The following BAZ2B variants were observed in gnomAD, a reference collection of about 807,000 sequenced individuals.
BAZ2B encodes the protein bromodomain adjacent to zinc finger domain protein 2B.
Under a neutral mutation model 246.0 loss-of-function variants are expected in BAZ2B, and 91 were observed. The observed-to-expected ratio is 0.37, with a 90% CI of 0.31 to 0.44. BAZ2B has a LOEUF of 0.44. Among genes scored for constraint, BAZ2B ranks in the 20% least tolerant of loss-of-function variants. The pLI is 1.00. For missense variants in BAZ2B, 2,332 were observed against 2,533.7 expected (o/e 0.92, Z 1.71); for synonymous variants, 855 against 860.0 (o/e 0.99, Z 0.10).
chr2:159,592,305 A>C (rs1267595315), intron 1 of BAZ2B, among the ~76,000 whole-genome samples: 1 of 152,036 alleles, frequency 6.6e-6, no homozygotes, highest in Non-Finnish European at 1.5e-5. Flanking sequence ...CAGTATCATG[A>C]ATTTTATTTA....
At chr2:159,630,824 G>A in the BAZ2B span, among the ~76,000 whole-genome samples, 1 of 151,720 alleles carries the variant, frequency 6.6e-6, no homozygotes, top group East Asian at 1.9e-4. Flanking sequence ...GTGAGCCACC[G>A]CGCCCGGCCA....
At chr2:159,377,728 G>C (rs977630011) in intron 25 of BAZ2B, among the ~76,000 whole-genome samples, 2 of 149,614 alleles carry the variant, frequency 1.3e-5, no homozygotes, top group East Asian at 3.9e-4. Context: ...CAGGAGAATC[G>C]CTTGAACCAG....
chr2:159,521,885 T>G (rs2084174080), intron 2 of BAZ2B, among the ~76,000 whole-genome samples: 2 of 152,010 alleles, frequency 1.3e-5, no homozygotes, highest in African/African-American at 2.4e-5. Flanking sequence ...TGTGAAAACT[T>G]TAATTGCAAG....
intron 34 of BAZ2B, among the ~76,000 whole-genome samples, chr2:159,327,924 G>C (rs2063957032): frequency 6.6e-6 from 1 of 152,102 alleles, no homozygotes; most frequent in Non-Finnish European, 1.5e-5. Context: ...AATTGGCTGG[G>C]TGTGGTGGTG....
chr2:159,628,332 A>G, the BAZ2B span, among the ~76,000 whole-genome samples: 221 of 152,336 alleles, frequency 1.5e-3, 1 homozygote, highest in African/African-American at 5.0e-3. Context: ...TAAATTTCAT[A>G]TGGAACCAAA....
chr2:159,376,784 G>T (rs1400203044), intron 25 of BAZ2B, among the ~76,000 whole-genome samples: 2 of 151,996 alleles, frequency 1.3e-5, no homozygotes, highest in Non-Finnish European at 2.9e-5. Flanking sequence ...GATGCAAAAA[G>T]AAATAAAATG....
chr2:159,389,259 A>G (rs903862859), intron 21 of BAZ2B, 86 bp downstream of exon 21: 40 of 1,323,142 alleles, frequency 3.0e-5, no homozygotes, highest in Non-Finnish European at 3.8e-5. Context: ...AGGCTTTCAC[A>G]ATAGCAGCTC....
chr2:159,521,817 G>C (rs2084166402), intron 2 of BAZ2B, among the ~76,000 whole-genome samples: 1 of 152,018 alleles, frequency 6.6e-6, no homozygotes, highest in Non-Finnish European at 1.5e-5. Context: ...TATTTCTATA[G>C]AGAATTGTTG....
At chr2:159,711,441 A>G in the BAZ2B span, among the ~76,000 whole-genome samples, 1 of 152,200 alleles carries the variant, frequency 6.6e-6, no homozygotes, top group African/African-American at 2.4e-5. Flanking sequence ...TAAGGATGAT[A>G]GTGACTGATA....
chr2:159,475,213 T>C (rs971228976), intron 3 of BAZ2B, among the ~76,000 whole-genome samples: 5 of 152,322 alleles, frequency 3.3e-5, no homozygotes, highest in Middle Eastern at 6.8e-3. Flanking sequence ...GTTTGGTCTT[T>C]TCACATAGTC....
chr2:159,576,490 AT>A (rs917399892), intron 1 of BAZ2B, among the ~76,000 whole-genome samples: 1 of 151,844 alleles, frequency 6.6e-6, no homozygotes, highest in Non-Finnish European at 1.5e-5. Context: ...ATTTGAACAA[AT>A]TTGAGTTATC....
intron 2 of BAZ2B, among the ~76,000 whole-genome samples, chr2:159,487,591 T>C (rs2079978687): frequency 6.6e-6 from 1 of 152,156 alleles, no homozygotes; most frequent in Admixed American, 6.5e-5. Context: ...GGTGATCATA[T>C]TCCTAGTTCT....
At chr2:159,439,236 C>T (rs780101153) in intron 6 of BAZ2B, 24 bp from the exon 7 acceptor site, 4 of 1,581,146 alleles carry the variant, frequency 2.5e-6, no homozygotes, top group Non-Finnish European at 3.4e-6. Flanking sequence ...AGGTAGTTGG[C>T]AAGACTTTAT....
chr2:159,696,304 T>C, the BAZ2B span, among the ~76,000 whole-genome samples: 2 of 152,308 alleles, frequency 1.3e-5, no homozygotes, highest in Middle Eastern at 6.8e-3. Flanking sequence ...CTTTATTAGT[T>C]GGATTTGGGG....
chr2:159,692,346 C>T, the BAZ2B span, among the ~76,000 whole-genome samples: 1 of 151,832 alleles, frequency 6.6e-6, no homozygotes, highest in Non-Finnish European at 1.5e-5. Flanking sequence ...TTAGTAGAGA[C>T]GGGGTTTCAC....
chr2:159,492,699 T>G (rs2080636795), intron 2 of BAZ2B, among the ~76,000 whole-genome samples: 1 of 152,238 alleles, frequency 6.6e-6, no homozygotes, highest in Admixed American at 6.5e-5. Flanking sequence ...TTATAAAATC[T>G]GGATATTGGA....
At chr2:159,468,482 A>G (rs1315294348) in intron 3 of BAZ2B, among the ~76,000 whole-genome samples, 2 of 152,202 alleles carry the variant, frequency 1.3e-5, no homozygotes, top group East Asian at 3.8e-4. Context: ...TCATAGCACA[A>G]ATATTATCAG....
rs142873075 is a variant in BAZ2B at position 159,579,733 on chromosome 2, C to T, written c.-45-23868G>A. On this transcript the variant is annotated intron_variant, in intron 1 of 36. Coordinates refer to ENST00000392783, the MANE Select transcript of BAZ2B (RefSeq NM_013450.4). The stretch of plus-strand genomic sequence containing the variant: ...AGCTTATCCAACACGATCACATTGG[C>T]TTCATCCCTGGGATGCAAGGCTGGT... Among the ~76,000 whole-genome samples, 154 of 152,296 alleles carry T rather than the reference C, an allele frequency of 1.0e-3. 2 individuals are homozygous for T. In the East Asian group the frequency reaches 0.027, roughly 26 times the overall value.
intron 2 of BAZ2B, among the ~76,000 whole-genome samples, chr2:159,532,167 G>A (rs1419154592): frequency 1.3e-5 from 2 of 152,056 alleles, no homozygotes; most frequent in African/African-American, 4.8e-5. Flanking sequence ...AACATTTCTA[G>A]TTTTGTACTC....
Sources: allele counts gnomAD v4.1 joint callset (sites outside exome capture counted in the v4.1 genomes callset), GRCh38; gene constraint gnomAD v4.1.1; transcripts MANE v1.5; gene names NCBI Gene and HGNC (gene_info 2026-07-23, HGNC 2026-07-21).